PROS1: variants seen among roughly 807,000 people sequenced by gnomAD.
PROS1 encodes the protein protein S.
In PROS1, 29 loss-of-function variants were observed where a neutral mutation model predicts 75.9. That is an observed-to-expected ratio of 0.38 (90% CI 0.28 to 0.52). PROS1 has a LOEUF of 0.52. PROS1 is among the 20% of genes least tolerant of loss of function. The pLI is 0.83. For synonymous variants in PROS1, 245 were observed against 280.6 expected, an observed-to-expected ratio of 0.87 and a Z score of 1.27; for missense variants, 680 against 810.3, an observed-to-expected ratio of 0.84 and a Z score of 1.95.
chr3:93,926,032 C>T (rs868596412), intron 2 of PROS1, among the ~76,000 whole-genome samples: 2 of 151,880 alleles, frequency 1.3e-5, no homozygotes, highest in Non-Finnish European at 2.9e-5. Flanking sequence ...AGAGGCTAAG[C>T]TGATAGAATG....
intron 2 of PROS1, among the ~76,000 whole-genome samples, chr3:93,925,380 C>T (rs905598995): frequency 4.6e-5 from 7 of 152,150 alleles, no homozygotes; most frequent in South Asian, 2.1e-4. Context: ...GGTGATATTG[C>T]GACCGTCAAA....
chr3:93,928,313 C>G (rs1709057385), intron 1 of PROS1, among the ~76,000 whole-genome samples: 1 of 148,764 alleles, frequency 6.7e-6, no homozygotes, highest in African/African-American at 2.5e-5. Flanking sequence ...CCAGTAAGAC[C>G]CTCATTCTAA....
At position 93,902,749 on chromosome 3, in the gene PROS1, CA is replaced by C. The variant is rs529822667; in HGVS notation, c.602-1821del. ...TGGGCATCATAGCGAGACTCTGTCT[CA>C]AAAAAAAAAAAGAAGAAGAAGAAGA... On this transcript the variant is annotated intron_variant, in intron 6 of 14. Coordinates refer to ENST00000394236, the MANE Select transcript of PROS1 (RefSeq NM_000313.4). 8.3e-3 allele frequency among the ~76,000 whole-genome samples: 1,087 copies of C among 130,388 alleles called. 11 individuals are homozygous for C. The highest frequency in any genetic ancestry group is 0.024 in the African/African-American group (859 of 35,500). The allele number at this position is 130,388 out of a possible 152,430, so 85.5% of individuals were successfully genotyped here.
intron 1 of PROS1, among the ~76,000 whole-genome samples, chr3:93,971,389 AAATAAAT>A (rs1709879320): frequency 6.7e-6 from 1 of 148,602 alleles, no homozygotes; most frequent in Non-Finnish European, 1.5e-5. Context: ...ATAAATAAAT[AAATAAAT>A]AAATAATTCT....
At chr3:93,913,861 T>G (rs1708797400) in intron 3 of PROS1, among the ~76,000 whole-genome samples, 1 of 152,138 alleles carries the variant, frequency 6.6e-6, no homozygotes, top group Non-Finnish European at 1.5e-5. Flanking sequence ...GCTATGAGTT[T>G]CCAAAATGCA....
At chr3:93,918,060 G>A (rs985268895) in intron 3 of PROS1, among the ~76,000 whole-genome samples, 1 of 152,162 alleles carries the variant, frequency 6.6e-6, no homozygotes, top group Non-Finnish European at 1.5e-5. Context: ...AGTCTGGTGG[G>A]GCCTTGGAGA....
At chr3:93,898,669 G>T (rs1708539787) in intron 7 of PROS1, 100 bp from the exon 8 acceptor site, 3 of 1,368,462 alleles carry the variant, frequency 2.2e-6, no homozygotes, top group Non-Finnish European at 3.1e-6. Context: ...TATAATCAAT[G>T]ATAATCGAAC....
At chr3:93,949,466 TC>T (rs1709458307) in intron 1 of PROS1, among the ~76,000 whole-genome samples, 1 of 152,032 alleles carries the variant, frequency 6.6e-6, no homozygotes, top group Admixed American at 6.6e-5. Flanking sequence ...CAGATTTGGC[TC>T]ATAAATAGCA....
rs568547270 is a variant in PROS1 at position 93,952,288 on chromosome 3, C to T, written c.76+21386G>A. On this transcript the variant is annotated intron_variant, in intron 1 of 14. Transcript: ENST00000394236. ...AACAGGATATACATTCTTCTCAGCACCACATCACACTTATTCCAAAATTGA... is the reference window on the plus strand; with the variant it reads ...AACAGGATATACATTCTTCTCAGCATCACATCACACTTATTCCAAAATTGA... Among the ~76,000 whole-genome samples the T allele has an allele frequency of 6.6e-5, 10 of 152,270 alleles. No homozygotes were observed. In the South Asian group the frequency reaches 1.0e-3, roughly 16 times the overall value.
At chr3:93,919,886 T>C (rs1298081832) in intron 3 of PROS1, among the ~76,000 whole-genome samples, 1 of 152,208 alleles carries the variant, frequency 6.6e-6, no homozygotes, top group Non-Finnish European at 1.5e-5. Context: ...TAGGTTGTCA[T>C]AGATATGAGC....
chr3:93,915,062 T>G (rs1460180653), intron 3 of PROS1, among the ~76,000 whole-genome samples: 1 of 152,232 alleles, frequency 6.6e-6, no homozygotes, highest in Non-Finnish European at 1.5e-5. Context: ...TCACTCTTTA[T>G]ATGACCAGGC....
intron 6 of PROS1, among the ~76,000 whole-genome samples, chr3:93,902,437 C>T (rs1192364872): frequency 6.6e-6 from 1 of 152,134 alleles, no homozygotes; most frequent in Non-Finnish European, 1.5e-5. Flanking sequence ...TCCAAACTGA[C>T]ATCTAATGTC....
At chr3:93,942,028 C>A (rs1364368658) in intron 1 of PROS1, among the ~76,000 whole-genome samples, 2 of 152,118 alleles carry the variant, frequency 1.3e-5, no homozygotes, top group East Asian at 3.9e-4. Flanking sequence ...ATGACTGTAT[C>A]TCTCTGATCC....
chr3:93,954,213 T>C (rs1709560174), intron 1 of PROS1, among the ~76,000 whole-genome samples: 2 of 152,094 alleles, frequency 1.3e-5, no homozygotes, highest in South Asian at 4.1e-4. Context: ...TTCACAGAAC[T>C]GGAAGAAACT....
intron 1 of PROS1, among the ~76,000 whole-genome samples, chr3:93,927,993 G>GTGTATATATA (rs1304225620): frequency 0.02 from 519 of 25,524 alleles, 12 homozygotes; most frequent in Non-Finnish European, 0.026. Flanking sequence ...GTGTGTGTGT[G>GTGTATATATA]TATATATATA....
intron 3 of PROS1, among the ~76,000 whole-genome samples, chr3:93,920,096 G>A (rs1454423756): frequency 6.6e-6 from 1 of 151,978 alleles, no homozygotes; most frequent in Non-Finnish European, 1.5e-5. Flanking sequence ...AGATTGCTCT[G>A]AACATATAAA....
chr3:93,910,396 T>A (rs1708742681), intron 4 of PROS1, among the ~76,000 whole-genome samples: 1 of 152,198 alleles, frequency 6.6e-6, no homozygotes, highest in South Asian at 2.1e-4. Context: ...GAGAACACTG[T>A]TCAGTTTAAA....
intron 1 of PROS1, among the ~76,000 whole-genome samples, chr3:93,964,871 T>C (rs954185656): frequency 5.3e-5 from 8 of 152,160 alleles, no homozygotes; most frequent in Admixed American, 3.3e-4. Context: ...CCAACACTTA[T>C]GGAAAATAGA....
intron 1 of PROS1, among the ~76,000 whole-genome samples, chr3:93,969,462 T>A (rs1311666600): frequency 3.3e-5 from 5 of 152,236 alleles, no homozygotes; most frequent in African/African-American, 1.2e-4. Context: ...TTGTGGGAAC[T>A]GTTCTTCCGG....
Sources: allele counts gnomAD v4.1 joint callset (sites outside exome capture counted in the v4.1 genomes callset), GRCh38; gene constraint gnomAD v4.1.1; transcripts MANE v1.5; gene names NCBI Gene and HGNC (gene_info 2026-07-23, HGNC 2026-07-21).